AGBL4: variants seen among roughly 807,000 people sequenced by gnomAD.
The protein encoded by AGBL4 is cytosolic carboxypeptidase 6.
A neutral mutation model predicts 66.4 loss-of-function variants in AGBL4; 58 were observed. That is an observed-to-expected ratio of 0.87 (90% CI 0.71 to 1.09). The LOEUF is 1.09. AGBL4 is among the 50% of genes least tolerant of loss of function. The pLI is 0.00. For synonymous variants in AGBL4, 234 were observed against 222.9 expected (o/e 1.05, Z -0.44); for missense variants, 579 against 631.0 (o/e 0.92, Z 0.88).
intron 5 of AGBL4, among the ~76,000 whole-genome samples, chr1:48,891,678 C>T (rs1361355206): frequency 6.6e-6 from 1 of 152,190 alleles, no homozygotes; most frequent in Non-Finnish European, 1.5e-5. Context: ...AGACAACTCA[C>T]TGGTCAGGCA....
At chr1:49,745,337 C>G (rs926884353) in intron 2 of AGBL4, among the ~76,000 whole-genome samples, 3 of 151,956 alleles carry the variant, frequency 2.0e-5, no homozygotes, top group African/African-American at 7.2e-5. Flanking sequence ...TATTTTGAGA[C>G]AGAGAGAGAT....
At chr1:48,800,965 A>T (rs1222242690) in intron 6 of AGBL4, among the ~76,000 whole-genome samples, 1 of 136,408 alleles carries the variant, frequency 7.3e-6, no homozygotes, top group African/African-American at 2.8e-5. Context: ...CTGAGCTCAG[A>T]CTCTTTTTGG....
intron 3 of AGBL4, among the ~76,000 whole-genome samples, chr1:49,483,553 AAAG>A (rs1185517814): frequency 6.6e-6 from 1 of 151,906 alleles, no homozygotes; most frequent in African/African-American, 2.4e-5. Context: ...TCCATATGGA[AAAG>A]AAGAAAATTA....
intron 2 of AGBL4, among the ~76,000 whole-genome samples, chr1:49,763,023 T>C (rs552111554): frequency 6.6e-6 from 1 of 152,352 alleles, no homozygotes; most frequent in Admixed American, 6.5e-5. Flanking sequence ...TCAAGTTTTA[T>C]ATTTAAGTTT....
chr1:49,133,672 C>A (rs1645946859), intron 4 of AGBL4, among the ~76,000 whole-genome samples: 3 of 152,060 alleles, frequency 2.0e-5, no homozygotes, highest in African/African-American at 7.2e-5. Flanking sequence ...TTCTAAGGAG[C>A]AGTTTGACAA....
At chr1:48,840,451 C>T (rs1214016500) in intron 6 of AGBL4, among the ~76,000 whole-genome samples, 3 of 152,138 alleles carry the variant, frequency 2.0e-5, no homozygotes, top group African/African-American at 4.8e-5. Flanking sequence ...AATGACTTAA[C>T]ATGCATGTAA....
intron 5 of AGBL4, among the ~76,000 whole-genome samples, chr1:48,941,041 G>C (rs959837636): frequency 6.6e-6 from 1 of 152,182 alleles, no homozygotes; most frequent in African/African-American, 2.4e-5. Flanking sequence ...AAGGGAATCT[G>C]ATGTAAGTTA....
intron 8 of AGBL4, among the ~76,000 whole-genome samples, chr1:48,638,370 A>G (rs919682683): frequency 1.4e-4 from 21 of 152,172 alleles, no homozygotes; most frequent in African/African-American, 5.1e-4. Context: ...ATTTTTTTAA[A>G]TGCACCTGTA....
intron 6 of AGBL4, among the ~76,000 whole-genome samples, chr1:48,804,002 G>A (rs933813420): frequency 1.3e-5 from 2 of 152,188 alleles, no homozygotes; most frequent in Non-Finnish European, 2.9e-5. Context: ...CTATAAAATG[G>A]AGATTAAAAA....
intron 3 of AGBL4, among the ~76,000 whole-genome samples, chr1:49,290,103 CA>C (rs1285397844): frequency 1.3e-5 from 2 of 152,064 alleles, no homozygotes; most frequent in African/African-American, 2.4e-5. Flanking sequence ...TCAAATTACT[CA>C]AAAACACAAT....
chr1:49,818,743 C>CA (rs1364728737), intron 2 of AGBL4, among the ~76,000 whole-genome samples: 1 of 152,128 alleles, frequency 6.6e-6, no homozygotes, highest in African/African-American at 2.4e-5. Context: ...ATCCCCAAAA[C>CA]ACAGCACCAA....
chr1:49,465,229 AC>A (rs1646603560), intron 3 of AGBL4, among the ~76,000 whole-genome samples: 1 of 149,734 alleles, frequency 6.7e-6, no homozygotes, highest in Admixed American at 6.7e-5. Flanking sequence ...ACACACACAC[AC>A]ACACACACAC....
At chr1:48,818,173 G>A in intron 6 of AGBL4, 1 of 717,028 alleles carries the variant, frequency 1.4e-6, no homozygotes, top group South Asian at 1.5e-5. Flanking sequence ...ATTTGGAAAG[G>A]CCACCATTCT....
chr1:48,549,167 G>A (rs1644212356), intron 11 of AGBL4, among the ~76,000 whole-genome samples: 1 of 152,152 alleles, frequency 6.6e-6, no homozygotes, highest in Non-Finnish European at 1.5e-5. Flanking sequence ...AGAGGGATAG[G>A]CCAAGGAAAA....
At chr1:49,781,567 C>T (rs1372678964) in intron 2 of AGBL4, among the ~76,000 whole-genome samples, 1 of 151,980 alleles carries the variant, frequency 6.6e-6, no homozygotes, top group Non-Finnish European at 1.5e-5. Context: ...TGCAATACGC[C>T]ATTTTCAATG....
chr1:49,428,808 A>C (rs1306137087), intron 3 of AGBL4, among the ~76,000 whole-genome samples: 1 of 152,232 alleles, frequency 6.6e-6, no homozygotes, highest in Non-Finnish European at 1.5e-5. Context: ...GGTTCACTTT[A>C]AGCAGGAAGC....
intron 4 of AGBL4, among the ~76,000 whole-genome samples, chr1:49,076,735 A>G (rs1200611770): frequency 6.6e-6 from 1 of 152,206 alleles, no homozygotes; most frequent in East Asian, 1.9e-4. Flanking sequence ...TATCAAGTTA[A>G]GTACACAAAT....
chr1:48,966,455 C>G (rs1195280050), intron 5 of AGBL4, among the ~76,000 whole-genome samples: 2 of 152,120 alleles, frequency 1.3e-5, no homozygotes, highest in Non-Finnish European at 2.9e-5. Flanking sequence ...CACACCCAAG[C>G]CCCCAAGTTG....
At chr1:49,890,426 C>A (rs1404318563) in intron 1 of AGBL4, among the ~76,000 whole-genome samples, 1 of 151,926 alleles carries the variant, frequency 6.6e-6, no homozygotes, top group African/African-American at 2.4e-5. Flanking sequence ...ACTTATTTGC[C>A]AGACATTGTT....
Sources: allele counts gnomAD v4.1 joint callset (sites outside exome capture counted in the v4.1 genomes callset), GRCh38; gene constraint gnomAD v4.1.1; transcripts MANE v1.5; gene names NCBI Gene and HGNC (gene_info 2026-07-23, HGNC 2026-07-21).